Variants in RIF1 observed in about 807,000 individuals in gnomAD.
The protein encoded by RIF1 is replication timing regulatory factor 1.
RIF1 carries 45 observed loss-of-function variants against 247.1 expected under a neutral mutation model. That is an observed-to-expected ratio of 0.18 (90% confidence interval 0.14 to 0.23). RIF1 has a LOEUF of 0.23. RIF1 is among the 10% of genes least tolerant of loss of function. The pLI is 1.00. For synonymous variants in RIF1, 1,087 were observed against 978.8 expected, an observed-to-expected ratio of 1.11 and a Z score of -2.06; for missense variants, 2,967 against 2,862.5, an observed-to-expected ratio of 1.04 and a Z score of -0.83.
chr2:151,526,891 G>C, the RIF1 span: 1 of 1,452,528 alleles, frequency 6.9e-7, no homozygotes, highest in East Asian at 2.4e-5. Context: ...GTGAGGTTAG[G>C]CATCATGGAA....
At position 151,462,257 on chromosome 2, in the gene RIF1, C is replaced by T; in HGVS notation, c.3243C>T (p.Ala1081=). 6.3e-7 allele frequency: 1 copy of T among 1,580,214 alleles called. No individual in the cohort carries two copies. The highest frequency in any genetic ancestry group is 8.6e-7 in the Non-Finnish European group (1 of 1,158,106). The change falls in exon 28 of 36, where the codon GCC becomes GCT. Residue 1081 remains alanine (A), a synonymous_variant. Coordinates refer to ENST00000444746, the MANE Select transcript of RIF1 (RefSeq NM_018151.5). ...TTTTTTTCAGGTGTGATATTCCTGC[C>T]ATGTATAATAATCTGGATGTTTCCC... is the stretch of plus-strand genomic sequence containing the variant. The part of the protein sequence containing the change: ...VLKTKRCDIP[A]MYNNLDVSQD...
intron 10 of RIF1, chr2:151,496,866 T>TAATA (rs1389938146): frequency 1.4e-6 from 2 of 1,412,918 alleles, no homozygotes; most frequent in Non-Finnish European, 9.7e-7. Context: ...AAAATAGGAT[T>TAATA]AATATGTATT....
chr2:151,449,394 A>G (rs1314352843), intron 20 of RIF1, among the ~76,000 whole-genome samples: 1 of 152,186 alleles, frequency 6.6e-6, no homozygotes, highest in Non-Finnish European at 1.5e-5. Flanking sequence ...TATATAGTGT[A>G]AAAGGAATGC....
At chr2:151,453,415 A>G (rs1694660699) in intron 21 of RIF1, among the ~76,000 whole-genome samples, 1 of 151,932 alleles carries the variant, frequency 6.6e-6, no homozygotes, top group Non-Finnish European at 1.5e-5. Flanking sequence ...TGTCTCTACT[A>G]AAAATACAAA....
chr2:151,417,155 G>A (rs1003107030), intron 6 of RIF1, among the ~76,000 whole-genome samples: 1 of 152,196 alleles, frequency 6.6e-6, no homozygotes, highest in African/African-American at 2.4e-5. Flanking sequence ...AACATACACA[G>A]TTCAGGTTTG....
At chr2:151,422,309 A>T (rs1383477684) in intron 7 of RIF1, among the ~76,000 whole-genome samples, 1 of 152,048 alleles carries the variant, frequency 6.6e-6, no homozygotes, top group African/African-American at 2.4e-5. Context: ...ATGCATGCTG[A>T]CATTTTTAGG....
rs555680269 is a variant in RIF1 at position 151,409,969 on chromosome 2, G to T, written c.-75G>T. On this transcript the variant is annotated 5_prime_UTR_variant, in exon 1 of 36. Coordinates refer to ENST00000444746, the MANE Select transcript of RIF1 (RefSeq NM_018151.5). ...GTAAACAGCCGGAGCTGGGAAAGTC[G>T]AGCTCTGGCAGCGTCTGGGTGCTGA... The T allele has an allele frequency of 1.9e-5, 13 of 701,884 alleles. No homozygotes were observed. The highest frequency in any genetic ancestry group is 3.5e-5 in the African/African-American group (2 of 57,246). The allele number at this position is 701,884 out of a possible 1,614,324, so 43.5% of individuals were successfully genotyped here.
At chr2:151,485,743 G>C (rs754751835), downstream of RIF1, 3 of 1,595,784 alleles carry the variant, frequency 1.9e-6, no homozygotes, top group African/African-American at 2.7e-5. Context: ...GCAGACAAGT[G>C]TGATGCTTTG....
downstream of RIF1, chr2:151,486,132 C>A (rs1007463144): frequency 5.3e-6 from 3 of 563,534 alleles, no homozygotes; most frequent in Non-Finnish European, 9.4e-6. Context: ...CAATTAATAT[C>A]CAGAACATAT....
chr2:151,505,659 A>G, intron 12 of RIF1: 2 of 1,041,076 alleles, frequency 1.9e-6, no homozygotes, highest in Admixed American at 3.5e-5. Context: ...GTAGCCCCCA[A>G]ATTAAAAAAA....
At chr2:151,445,278 A>G (rs1558980924) in intron 18 of RIF1, 60 bp from the exon 19 acceptor site, 2 of 951,622 alleles carry the variant, frequency 2.1e-6, no homozygotes, top group South Asian at 1.3e-5. Flanking sequence ...AAGTTATGTT[A>G]CTACTTAGGA....
intron 15 of RIF1, 102 bp downstream of exon 15, chr2:151,440,229 TATCAAGC>T: frequency 1.4e-6 from 1 of 691,648 alleles, no homozygotes. Context: ...GACTTTTTTA[TATCAAGC>T]ATTCATCAGC....
chr2:151,467,431 G>A (rs1042341741), intron 30 of RIF1, among the ~76,000 whole-genome samples: 34 of 151,810 alleles, frequency 2.2e-4, no homozygotes, highest in African/African-American at 7.0e-4. Flanking sequence ...TGCATGCTCT[G>A]CCTCCCGGGT....
In RIF1 at chr2:151,437,394, A is replaced by G. The variant is rs1691431426; in HGVS notation, c.1483+43A>G. 4 of 1,490,668 alleles carry G rather than the reference A, an allele frequency of 2.7e-6. No individual in the cohort carries two copies. In the African/African-American group the frequency reaches 5.5e-5, roughly 21 times the overall value. 92.3% of individuals were successfully genotyped at this position (1,490,668 alleles called of 1,614,324 possible). On this transcript the variant is annotated intron_variant, in intron 13 of 35. Coordinates refer to ENST00000444746, the MANE Select transcript of RIF1 (RefSeq NM_018151.5). ...ATTATTTGCTCAAATGTGTGTTTAA[A>G]AAGAAGAAAAAATAGGCCAGTCACA...
intron 12 of RIF1, chr2:151,503,390 CTG>C: frequency 6.2e-7 from 1 of 1,612,934 alleles, no homozygotes; most frequent in Non-Finnish European, 8.5e-7. Flanking sequence ...CTCTCAATCT[CTG>C]GAGTCACAGT....
At chr2:151,534,252 T>A in the RIF1 span, 3 of 1,613,642 alleles carry the variant, frequency 1.9e-6, no homozygotes, top group Non-Finnish European at 2.5e-6. Flanking sequence ...AGCCAGCAGA[T>A]GTCTAGGCTC....
intron 11 of RIF1, among the ~76,000 whole-genome samples, chr2:151,501,984 A>C (rs1337236447): frequency 6.6e-6 from 1 of 152,214 alleles, no homozygotes; most frequent in Non-Finnish European, 1.5e-5. Flanking sequence ...CAAGACAAGT[A>C]AATTATATTT....
rs185136325 is a variant in RIF1, at chr2:151,462,268, A to G, written c.3254A>G (p.Asn1085Ser). The change falls in exon 28 of 36, where the codon AAT (asparagine) becomes AGT (serine). Residue 1085 changes from asparagine to serine, a missense_variant. By Grantham distance (46) the Asn-to-Ser change is conservative (BLOSUM62 1). Around this residue, in one of 7 missense-constraint regions of RIF1, gnomAD observed 2,028 missense variants for 1,825.6 expected, o/e 1.11. Transcript: ENST00000444746. ...KRCDIPAMYN[N>S]LDVSQDTLFT... is the part of the protein sequence containing the mutation. ...TGTGATATTCCTGCCATGTATAATAATCTGGATGTTTCCCAAGATACCTTA... is the reference window on the plus strand; with the variant it reads ...TGTGATATTCCTGCCATGTATAATAGTCTGGATGTTTCCCAAGATACCTTA... 6 of 1,589,760 alleles carry G rather than the reference A, an allele frequency of 3.8e-6. No homozygotes were observed. Among genetic ancestry groups the G allele is most frequent in the Non-Finnish European group, 5.2e-6 (6 of 1,164,794 alleles).
chr2:151,490,109 AG>A, intron 9 of RIF1: 1 of 1,508,464 alleles, frequency 6.6e-7, no homozygotes, highest in African/African-American at 1.4e-5. Flanking sequence ...CTTTATAAGA[AG>A]AAAAATGGCT....
Sources: allele counts gnomAD v4.1 joint callset (sites outside exome capture counted in the v4.1 genomes callset), GRCh38; gene constraint gnomAD v4.1.1; regional missense constraint gnomAD v4.1.1; transcripts MANE v1.5; gene names NCBI Gene and HGNC (gene_info 2026-07-23, HGNC 2026-07-21).